CARMIL1: variants seen among roughly 807,000 people sequenced by gnomAD.
The protein encoded by CARMIL1 is F-actin-uncapping protein LRRC16A.
A neutral mutation model predicts 177.1 loss-of-function variants in CARMIL1; 90 were observed. The ratio of observed to expected loss-of-function variants is 0.51; its 90% confidence interval spans 0.43 to 0.61. The LOEUF is 0.61. Ranked by LOEUF, CARMIL1 falls within the 20% of genes least tolerant of loss-of-function variation. The pLI is 0.00. For synonymous variants in CARMIL1, 577 were observed against 606.2 expected (o/e 0.95, Z 0.71); for missense variants, 1,380 against 1,667.0 (o/e 0.83, Z 3.00).
At chr6:25,307,700 G>C (rs550590864) in intron 2 of CARMIL1, among the ~76,000 whole-genome samples, 1 of 152,320 alleles carries the variant, frequency 6.6e-6, no homozygotes, top group East Asian at 1.9e-4. Flanking sequence ...GCTTCCACTG[G>C]GATCTGAAAT....
At chr6:25,353,329 G>C (rs1295936209) in intron 2 of CARMIL1, among the ~76,000 whole-genome samples, 2 of 152,164 alleles carry the variant, frequency 1.3e-5, no homozygotes, top group African/African-American at 2.4e-5. Context: ...TGATAAAACT[G>C]AGGTGCAGAC....
chr6:25,481,295 C>A (rs1410483588), intron 11 of CARMIL1, among the ~76,000 whole-genome samples: 1 of 152,126 alleles, frequency 6.6e-6, no homozygotes, highest in East Asian at 1.9e-4. Context: ...CCCAGAACAC[C>A]CACTGTTCTA....
At chr6:25,356,308 C>T (rs993089104) in intron 2 of CARMIL1, among the ~76,000 whole-genome samples, 5 of 152,146 alleles carry the variant, frequency 3.3e-5, no homozygotes, top group African/African-American at 7.2e-5. Context: ...CCACCCGCCT[C>T]GGCCTCCCAA....
chr6:25,609,595 G>T lies in CARMIL1; in HGVS notation c.3848-455G>T, dbSNP rs1816330783. On this transcript the variant is annotated intron_variant, in intron 35 of 36. Transcript: ENST00000329474. ...TAAAAGACCATGATTCCAAATTATT[G>T]TTAGTGACCTACATATATGCATGCA... is the stretch of plus-strand genomic sequence containing the variant. Among the ~76,000 whole-genome samples the T allele has an allele frequency of 2.6e-5, 4 of 151,960 alleles. No individual in the cohort carries two copies. The South Asian group carries it at 8.3e-4, about 32-fold the overall frequency.
At chr6:25,614,810 T>TA (rs1053553887) in intron 36 of CARMIL1, among the ~76,000 whole-genome samples, 1 of 152,120 alleles carries the variant, frequency 6.6e-6, no homozygotes, top group African/African-American at 2.4e-5. Flanking sequence ...TGCGTTAGAG[T>TA]AAAAAGAGGA....
intron 17 of CARMIL1, among the ~76,000 whole-genome samples, chr6:25,502,003 A>C (rs1288124801): frequency 1.3e-5 from 2 of 151,188 alleles, no homozygotes; most frequent in African/African-American, 4.8e-5. Context: ...AAAAAAAAAA[A>C]AAAAAAAAAC....
intron 2 of CARMIL1, among the ~76,000 whole-genome samples, chr6:25,337,270 A>T (rs1324304693): frequency 6.6e-6 from 1 of 152,172 alleles, no homozygotes; most frequent in Non-Finnish European, 1.5e-5. Context: ...TTGATGGTTG[A>T]GCTTCCAGTA....
intron 24 of CARMIL1, 36 bp downstream of exon 24, chr6:25,528,929 T>C (rs1250121525): frequency 1.3e-6 from 2 of 1,500,346 alleles, no homozygotes; most frequent in African/African-American, 2.8e-5. Context: ...CTCCTTCTAT[T>C]CTTAACTGAC....
intron 2 of CARMIL1, among the ~76,000 whole-genome samples, chr6:25,370,899 T>TA (rs1376183916): frequency 1.3e-5 from 2 of 152,170 alleles, no homozygotes; most frequent in East Asian, 3.9e-4. Context: ...AGCTTTTTTT[T>TA]ATCCCTCATC....
chr6:25,604,668 ATGG>A, intron 33 of CARMIL1, 141 bp from the exon 34 acceptor site: 1 of 653,904 alleles, frequency 1.5e-6, no homozygotes, highest in Non-Finnish European at 2.7e-6. Context: ...CAGAGAGCCT[ATGG>A]AGACAGGTCA....
intron 31 of CARMIL1, 74 bp from the exon 32 acceptor site, chr6:25,594,341 G>T (rs989451530): frequency 3.2e-6 from 3 of 939,868 alleles, no homozygotes; most frequent in Non-Finnish European, 5.0e-6. Flanking sequence ...TAATCACAGT[G>T]TCTTAAATCT....
chr6:25,567,827 G>A lies in CARMIL1; in HGVS notation c.2742+10977G>A, dbSNP rs1013971643. ...CTAAATTTCTAATTGTACTGTTATA[G>A]TTTAGAAACATCAATTAAAGTTGGG... On this transcript the variant is annotated intron_variant, in intron 29 of 36. Coordinates refer to ENST00000329474, the MANE Select transcript of CARMIL1 (RefSeq NM_017640.6). Among the ~76,000 whole-genome samples, 3 of 152,178 alleles carry A rather than the reference G, an allele frequency of 2.0e-5. No individual in the cohort carries two copies. The East Asian group carries it at 5.8e-4, about 29-fold the overall frequency.
At chr6:25,294,032 C>A (rs1782199008) in intron 2 of CARMIL1, among the ~76,000 whole-genome samples, 1 of 152,154 alleles carries the variant, frequency 6.6e-6, no homozygotes, top group African/African-American at 2.4e-5. Flanking sequence ...CAAGGTTTTT[C>A]TTTTTTTGAA....
chr6:25,487,365 T>C (rs1802767956), intron 12 of CARMIL1, among the ~76,000 whole-genome samples: 7 of 152,304 alleles, frequency 4.6e-5, no homozygotes, highest in African/African-American at 1.7e-4. Flanking sequence ...TCTGCCCAAA[T>C]GTGGAGGGGA....
chr6:25,424,557 T>C (rs1796132489), intron 3 of CARMIL1, among the ~76,000 whole-genome samples: 1 of 152,222 alleles, frequency 6.6e-6, no homozygotes, highest in South Asian at 2.1e-4. Context: ...GAGATGCTCA[T>C]TGAGGGTCAT....
intron 27 of CARMIL1, among the ~76,000 whole-genome samples, chr6:25,553,503 G>T (rs1810324099): frequency 6.6e-6 from 1 of 152,194 alleles, no homozygotes; most frequent in Admixed American, 6.5e-5. Context: ...AGGTGATTTT[G>T]TAAATAGTCA....
At chr6:25,346,787 C>T (rs564619613) in intron 2 of CARMIL1, among the ~76,000 whole-genome samples, 46 of 152,240 alleles carry the variant, frequency 3.0e-4, no homozygotes, top group Admixed American at 7.8e-4. Flanking sequence ...CCACAATGCA[C>T]TAATAAAGCT....
At chr6:25,283,848 A>G (rs2744283) in intron 1 of CARMIL1, among the ~76,000 whole-genome samples, 12,483 of 151,560 alleles carry the variant, frequency 0.082, 899 homozygotes, top group African/African-American at 0.2. Context: ...GGACTAACTG[A>G]GATTACAGGC....
intron 2 of CARMIL1, among the ~76,000 whole-genome samples, chr6:25,402,511 T>C (rs1020082645): frequency 2.5e-4 from 38 of 152,332 alleles, no homozygotes; most frequent in African/African-American, 9.1e-4. Flanking sequence ...TTTCTGATTT[T>C]GCCAATCTAT....
Sources: gnomAD v4.1 joint callset for allele counts (sites outside exome capture counted in the v4.1 genomes callset) on GRCh38, gnomAD v4.1.1 for gene constraint, MANE v1.5 for transcripts, NCBI Gene and HGNC (gene_info 2026-07-23, HGNC 2026-07-21) for gene names.